The following TM2D1 variants were observed in gnomAD, a reference collection of about 807,000 sequenced individuals.
TM2D1 encodes the protein TM2 domain containing 1.
Under a neutral mutation model 28.4 loss-of-function variants are expected in TM2D1, and 15 were observed. That is an observed-to-expected ratio of 0.53 (90% confidence interval 0.35 to 0.81). The LOEUF (loss-of-function observed/expected upper bound fraction) is 0.81. TM2D1 is among the 40% of genes least tolerant of loss of function. TM2D1 has a pLI of 0.01. For synonymous variants in TM2D1, 93 were observed against 96.2 expected (o/e 0.97, Z 0.20); for missense variants, 236 against 254.9 (o/e 0.93, Z 0.50).
intron 4 of TM2D1, 71 bp downstream of exon 4, chr1:61,700,863 T>A (rs1227523172): frequency 9.3e-7 from 1 of 1,074,926 alleles, no homozygotes; most frequent in Non-Finnish European, 1.4e-6. Flanking sequence ...AGAGATTTAA[T>A]CCATAAGAAC....
intron 3 of TM2D1, among the ~76,000 whole-genome samples, chr1:61,703,703 G>C (rs1384970097): frequency 7.4e-6 from 1 of 134,486 alleles, no homozygotes; most frequent in Admixed American, 7.9e-5. Flanking sequence ...ATGAGCCACT[G>C]CACCTAGCCA....
intron 5 of TM2D1, among the ~76,000 whole-genome samples, chr1:61,693,225 G>A (rs1482248416): frequency 6.6e-6 from 1 of 152,146 alleles, no homozygotes. Flanking sequence ...GTGACACAGT[G>A]AGACCCTGTC....
chr1:61,696,660 C>T (rs976551985), intron 4 of TM2D1, among the ~76,000 whole-genome samples: 1 of 151,998 alleles, frequency 6.6e-6, no homozygotes, highest in African/African-American at 2.4e-5. Flanking sequence ...AGGGCTTTGG[C>T]TTTTTTTGTG....
chr1:61,697,660 A>C (rs1644373535), intron 4 of TM2D1: 1 of 152,220 alleles, frequency 6.6e-6, no homozygotes, highest in Non-Finnish European at 1.5e-5. Flanking sequence ...AACAATCACT[A>C]TAATAAAAAA....
intron 2 of TM2D1, among the ~76,000 whole-genome samples, chr1:61,721,541 C>CAAAAAA (rs34211826): frequency 9.0e-6 from 1 of 111,304 alleles, no homozygotes; most frequent in Non-Finnish European, 1.9e-5. Context: ...GACTCTGTCT[C>CAAAAAA]AAAAAAAAAA....
chr1:61,719,409 CAG>C (rs59016152), intron 2 of TM2D1, among the ~76,000 whole-genome samples: 187 of 148,290 alleles, frequency 1.3e-3, no homozygotes, highest in Admixed American at 1.5e-3. Flanking sequence ...AGTATATACA[CAG>C]AGAGAGAGAG....
At chr1:61,713,885 T>TTC (rs1644497644) in intron 2 of TM2D1, among the ~76,000 whole-genome samples, 1 of 44,092 alleles carries the variant, frequency 2.3e-5, no homozygotes. Flanking sequence ...CAAATATTTC[T>TTC]TTTTTTTTTT....
chr1:61,716,422 AT>A (rs1456580332), intron 2 of TM2D1, among the ~76,000 whole-genome samples: 6 of 141,608 alleles, frequency 4.2e-5, no homozygotes, highest in Non-Finnish European at 7.5e-5. Context: ...TATGTATATA[AT>A]TATATATAAG....
intron 4 of TM2D1, chr1:61,699,173 T>C (rs1275376836): frequency 6.6e-6 from 1 of 151,826 alleles, no homozygotes; most frequent in Non-Finnish European, 1.5e-5. Flanking sequence ...CAAAATCCCA[T>C]CTCTACAGAA....
intron 2 of TM2D1, among the ~76,000 whole-genome samples, chr1:61,713,792 G>A (rs1644496448): frequency 6.6e-6 from 1 of 151,936 alleles, no homozygotes; most frequent in African/African-American, 2.4e-5. Flanking sequence ...ATACCAGCTG[G>A]GGATATTTTC....
intron 5 of TM2D1, among the ~76,000 whole-genome samples, chr1:61,687,303 T>A (rs1424369534): frequency 6.6e-6 from 1 of 152,194 alleles, no homozygotes; most frequent in African/African-American, 2.4e-5. Flanking sequence ...TTTGGAGTGA[T>A]GAAAAAGTTT....
At chr1:61,716,052 G>A (rs984610453) in intron 2 of TM2D1, among the ~76,000 whole-genome samples, 3 of 151,454 alleles carry the variant, frequency 2.0e-5, no homozygotes, top group Admixed American at 1.3e-4. Flanking sequence ...TGATCCACCC[G>A]CCTCGGCCTC....
chr1:61,721,951 TAAAAAAAAAAAAAA>T (rs768461684), intron 2 of TM2D1, among the ~76,000 whole-genome samples: 5 of 43,998 alleles, frequency 1.1e-4, no homozygotes, highest in Admixed American at 1.1e-3. Context: ...TCTCTACAGC[TAAAAAAAAAAAAAA>T]AAAAAAAAAA....
intron 5 of TM2D1, among the ~76,000 whole-genome samples, chr1:61,690,398 A>G (rs530205453): frequency 2.1e-5 from 3 of 144,158 alleles, no homozygotes; most frequent in African/African-American, 5.2e-5. Context: ...CAGAGATTAC[A>G]GTGAGCCGAG....
rs184480758 is a variant in TM2D1, at chr1:61,700,211, C to A, written c.439+723G>T. 10 of 1,535,792 alleles carry A rather than the reference C, an allele frequency of 6.5e-6. No homozygotes were observed. The African/African-American group carries it at 1.3e-4, about 19-fold the overall frequency. On this transcript the variant is annotated intron_variant, in intron 4 of 6. Coordinates refer to ENST00000606498, the MANE Select transcript of TM2D1 (RefSeq NM_032027.3). ...AAAGATGATAACAACAAATATGTCA[C>A]AGAATAAAGGAAAGCCTCTAGACTC...
At chr1:61,716,105 G>A (rs1397932449) in intron 2 of TM2D1, among the ~76,000 whole-genome samples, 4 of 151,292 alleles carry the variant, frequency 2.6e-5, no homozygotes, top group Non-Finnish European at 5.9e-5. Flanking sequence ...ACGCCCAGCC[G>A]AGCCCAGGAA....
chr1:61,682,637 C>T (rs1238029279), intron 6 of TM2D1, among the ~76,000 whole-genome samples: 3 of 152,008 alleles, frequency 2.0e-5, no homozygotes, highest in East Asian at 1.9e-4. Flanking sequence ...CAGTGGCTCA[C>T]GCCTGTAATT....
At chr1:61,716,056 C>T (rs1181540613) in intron 2 of TM2D1, among the ~76,000 whole-genome samples, 2 of 151,778 alleles carry the variant, frequency 1.3e-5, no homozygotes, top group African/African-American at 4.8e-5. Flanking sequence ...CCACCCGCCT[C>T]GGCCTCCCAA....
intron 2 of TM2D1, among the ~76,000 whole-genome samples, chr1:61,715,058 T>A (rs551629797): frequency 2.6e-5 from 4 of 152,082 alleles, no homozygotes; most frequent in Non-Finnish European, 5.9e-5. Context: ...CACATTGCAA[T>A]GATTCAAGAA....
Sources: allele counts gnomAD v4.1 joint callset (sites outside exome capture counted in the v4.1 genomes callset), GRCh38; gene constraint gnomAD v4.1.1; transcripts MANE v1.5; gene names NCBI Gene and HGNC (gene_info 2026-07-23, HGNC 2026-07-21).